The following CLIC5 variants were observed in gnomAD, a reference collection of about 807,000 sequenced individuals.
CLIC5 encodes the protein chloride intracellular channel protein 5.
Under a neutral mutation model 24.7 loss-of-function variants are expected in CLIC5, and 20 were observed. The observed-to-expected ratio is 0.81, with a 90% CI of 0.57 to 1.18. CLIC5 has a LOEUF of 1.18. Among genes scored for constraint, CLIC5 ranks in the 50% most tolerant of loss-of-function variants. The pLI is 0.00. For synonymous variants in CLIC5, 159 were observed against 135.6 expected, an observed-to-expected ratio of 1.17 and a Z score of -1.20; for missense variants, 341 against 326.1, an observed-to-expected ratio of 1.05 and a Z score of -0.35.
At chr6:45,969,080 A>C (rs1016472413) in intron 1 of CLIC5, among the ~76,000 whole-genome samples, 2 of 152,280 alleles carry the variant, frequency 1.3e-5, no homozygotes, top group Non-Finnish European at 2.9e-5. Context: ...TTTTATTTGC[A>C]CCTAAAAATT....
intron 1 of CLIC5, among the ~76,000 whole-genome samples, chr6:45,965,800 C>T (rs2127398542): frequency 6.6e-6 from 1 of 152,250 alleles, no homozygotes; most frequent in South Asian, 2.1e-4. Flanking sequence ...TGACATTTTT[C>T]TTATTTGTTA....
At chr6:45,883,551 T>C (rs544732395) in intron 6 of CLIC5, among the ~76,000 whole-genome samples, 45 of 152,290 alleles carry the variant, frequency 3.0e-4, no homozygotes, top group African/African-American at 9.1e-4. Context: ...TTATCTATTG[T>C]TCAATCAAGG....
At chr6:46,034,183 G>T (rs1307212888) in intron 1 of CLIC5, among the ~76,000 whole-genome samples, 1 of 152,200 alleles carries the variant, frequency 6.6e-6, no homozygotes, top group Non-Finnish European at 1.5e-5. Flanking sequence ...CTGCATGTGG[G>T]AGCTACTGAA....
At chr6:46,109,008 T>C in the CLIC5 span, among the ~76,000 whole-genome samples, 5 of 152,314 alleles carry the variant, frequency 3.3e-5, no homozygotes, top group African/African-American at 1.2e-4. Context: ...ATAAATACGT[T>C]ATTAATGTGC....
intron 1 of CLIC5, among the ~76,000 whole-genome samples, chr6:46,054,071 TG>T: frequency 6.6e-6 from 1 of 152,090 alleles, no homozygotes; most frequent in East Asian, 1.9e-4. Flanking sequence ...AAGCTCCAGG[TG>T]GGGGTAGGCT....
Position 45,942,470 on chromosome 6 carries a change from A to C in CLIC5, c.300-817T>G, listed in dbSNP as rs1369898606. On this transcript the variant is annotated intron_variant, in intron 3 of 5. Transcript: ENST00000339561. ...CATCAAAATGAAAAAAATCAACTCA[A>C]ATAAATATTATTTCATAAGCATTTT... Among the ~76,000 whole-genome samples the C allele has an allele frequency of 2.0e-5, 3 of 152,320 alleles. No individual in the cohort carries two copies. In the South Asian group the frequency reaches 6.2e-4, roughly 32 times the overall value.
At chr6:45,995,571 C>T (rs1327594970) in intron 1 of CLIC5, among the ~76,000 whole-genome samples, 4 of 152,198 alleles carry the variant, frequency 2.6e-5, no homozygotes, top group Non-Finnish European at 4.4e-5. Flanking sequence ...CTATTAAAAG[C>T]ATCCCAAATA....
At chr6:46,077,283 T>C (rs1380893066) in intron 1 of CLIC5, among the ~76,000 whole-genome samples, 3 of 152,142 alleles carry the variant, frequency 2.0e-5, no homozygotes, top group East Asian at 3.9e-4. Context: ...CTGCATGACA[T>C]TCTCACCAAC....
At chr6:46,079,402 A>G (rs1762860707) in intron 1 of CLIC5, among the ~76,000 whole-genome samples, 1 of 152,244 alleles carries the variant, frequency 6.6e-6, no homozygotes, top group Non-Finnish European at 1.5e-5. Flanking sequence ...GTCAGCCACA[A>G]TGGCAAGGAT....
At chr6:46,107,070 A>G in the CLIC5 span, among the ~76,000 whole-genome samples, 4 of 152,218 alleles carry the variant, frequency 2.6e-5, no homozygotes, top group African/African-American at 9.6e-5. Context: ...CTAGCCCAAA[A>G]GTTTATCAAA....
intron 1 of CLIC5, among the ~76,000 whole-genome samples, chr6:46,072,432 T>C (rs1762634849): frequency 6.6e-6 from 1 of 151,980 alleles, no homozygotes; most frequent in African/African-American, 2.4e-5. Flanking sequence ...CTATTGAAAG[T>C]AAAGGAGAAA....
At chr6:46,112,123 T>G in the CLIC5 span, among the ~76,000 whole-genome samples, 9 of 152,136 alleles carry the variant, frequency 5.9e-5, no homozygotes, top group Non-Finnish European at 1.0e-4. Context: ...ATATACTTAT[T>G]TGACATATTT....
the CLIC5 span, among the ~76,000 whole-genome samples, chr6:46,113,583 G>A: frequency 2.0e-5 from 3 of 152,184 alleles, no homozygotes; most frequent in African/African-American, 7.2e-5. Context: ...TTACCAGCAG[G>A]TGGGTCAAAT....
chr6:46,110,442 G>A, the CLIC5 span, among the ~76,000 whole-genome samples: 21 of 152,294 alleles, frequency 1.4e-4, no homozygotes, highest in East Asian at 3.9e-3. Flanking sequence ...TGGCAACATA[G>A]TTACTTGCAT....
At chr6:45,914,823 C>T (rs987841144) in intron 4 of CLIC5, among the ~76,000 whole-genome samples, 13 of 146,126 alleles carry the variant, frequency 8.9e-5, no homozygotes, top group African/African-American at 1.5e-4. Flanking sequence ...TGGTGGCACG[C>T]GCCTGTAGTC....
At chr6:46,064,715 C>T (rs1288982823) in intron 1 of CLIC5, among the ~76,000 whole-genome samples, 1 of 151,220 alleles carries the variant, frequency 6.6e-6, no homozygotes, top group African/African-American at 2.4e-5. Flanking sequence ...ATGTATTTGA[C>T]ATTAAAGGGA....
chr6:45,896,243 A>C (rs984651672), downstream of CLIC5, among the ~76,000 whole-genome samples: 1 of 152,224 alleles, frequency 6.6e-6, no homozygotes. Flanking sequence ...TTTTCTGGTT[A>C]TTGGCTTCTT....
intron 1 of CLIC5, among the ~76,000 whole-genome samples, chr6:46,075,204 A>G (rs1286239706): frequency 6.6e-6 from 1 of 152,190 alleles, no homozygotes; most frequent in African/African-American, 2.4e-5. Context: ...TGAGGCTGAG[A>G]GAAGCTCAAT....
the CLIC5 span, among the ~76,000 whole-genome samples, chr6:46,104,342 C>G: frequency 2.7e-3 from 413 of 152,236 alleles, no homozygotes; most frequent in African/African-American, 8.8e-3. Flanking sequence ...ATCTTCAAGT[C>G]ATGACAGGTG....
Sources: gnomAD v4.1 joint callset for allele counts (sites outside exome capture counted in the v4.1 genomes callset) on GRCh38, gnomAD v4.1.1 for gene constraint, MANE v1.5 for transcripts, NCBI Gene and HGNC (gene_info 2026-07-23, HGNC 2026-07-21) for gene names.